The following SORCS2 variants were observed in gnomAD, a reference collection of about 807,000 sequenced individuals.
SORCS2 encodes sortilin related VPS10 domain containing receptor 2.
A neutral mutation model predicts 141.6 loss-of-function variants in SORCS2; 100 were observed. The ratio of observed to expected loss-of-function variants is 0.71; its 90% CI spans 0.60 to 0.83. The LOEUF (loss-of-function observed/expected upper bound fraction) is 0.83. Ranked by LOEUF, SORCS2 falls within the 40% of genes least tolerant of loss-of-function variation. The pLI is 0.00. For missense variants in SORCS2, 1,646 were observed against 1,560.2 expected (o/e 1.05, Z -0.93); for synonymous variants, 789 against 676.9 (o/e 1.17, Z -2.57).
At position 7,663,935 on chromosome 4, in the gene SORCS2, T is replaced by G. The variant is rs1027827808; in HGVS notation, c.953-418T>G. On this transcript the variant is annotated intron_variant, in intron 6 of 26. Coordinates refer to ENST00000507866, the MANE Select transcript of SORCS2 (RefSeq NM_020777.3). This position sits in a 1 kb window ranked among gnomAD's most constrained non-coding sequence, Gnocchi z 4.8. ...TCAGTATTGCTCAACCATAAATATT[T>G]GGAAAAGGGTAGAAGCAGTTGCTTA... 7.9e-5 allele frequency among the ~76,000 whole-genome samples: 12 copies of G among 152,046 alleles called. No individual in the cohort carries two copies. Among genetic ancestry groups the G allele is most frequent in the African/African-American group, 2.9e-4 (12 of 41,378 alleles).
chr4:7,675,572 T>C (rs2108949810), intron 8 of SORCS2, among the ~76,000 whole-genome samples: 1 of 152,184 alleles, frequency 6.6e-6, no homozygotes, highest in East Asian at 1.9e-4. Flanking sequence ...GGCTGGAAAG[T>C]TTCTGGCATG....
rs139660526 is a variant in SORCS2 at position 7,340,473 on chromosome 4, C to G, written c.481-55815C>G. Among the ~76,000 whole-genome samples, 924 of 152,366 alleles carry G rather than the reference C, an allele frequency of 6.1e-3. 7 individuals are homozygous for G. The highest frequency in any genetic ancestry group is 0.02 in the African/African-American group (843 of 41,590). On this transcript the variant is annotated intron_variant, in intron 1 of 26. Coordinates refer to ENST00000507866, the MANE Select transcript of SORCS2 (RefSeq NM_020777.3). ...AGGGCAGCCCGGATCCTGGCCAGCG[C>G]CTACCCTGGAAGGTGCCAGCTTCCT... is the stretch of plus-strand genomic sequence containing the variant.
At chr4:7,715,122 C>A in intron 16 of SORCS2, 61 bp from the exon 17 acceptor site, 1 of 1,597,424 alleles carries the variant, frequency 6.3e-7, no homozygotes, top group Non-Finnish European at 8.6e-7. Flanking sequence ...TCACCCCAAC[C>A]CTGGGTGACT....
intron 3 of SORCS2, among the ~76,000 whole-genome samples, chr4:7,545,833 C>G (rs189537656): frequency 3.9e-5 from 6 of 152,342 alleles, no homozygotes; most frequent in Non-Finnish European, 5.9e-5. Context: ...GGATGGCTCT[C>G]ACGAAACACT....
intron 2 of SORCS2, among the ~76,000 whole-genome samples, chr4:7,502,179 C>T (rs375415987): frequency 2.0e-5 from 3 of 152,174 alleles, no homozygotes; most frequent in Admixed American, 6.6e-5. Flanking sequence ...GGCCTCTAGA[C>T]GGCCTCTGGT....
chr4:7,737,557 C>T (rs975475499), intron 26 of SORCS2, among the ~76,000 whole-genome samples: 9 of 152,206 alleles, frequency 5.9e-5, no homozygotes, highest in African/African-American at 1.4e-4. Flanking sequence ...CTCAACACTC[C>T]CAGTCCTCCA....
At chr4:7,719,110 G>T (rs1286378070) in intron 18 of SORCS2, among the ~76,000 whole-genome samples, 1 of 152,230 alleles carries the variant, frequency 6.6e-6, no homozygotes, top group African/African-American at 2.4e-5. Context: ...CTGGACACTT[G>T]GCTCTCCGGT....
At chr4:7,523,765 G>A (rs1052733178) in intron 2 of SORCS2, among the ~76,000 whole-genome samples, 7 of 152,104 alleles carry the variant, frequency 4.6e-5, no homozygotes, top group Admixed American at 6.5e-5. Context: ...CACTGAGCCC[G>A]GCGCCCCGCA....
chr4:7,494,245 C>A (rs893036587), intron 2 of SORCS2, among the ~76,000 whole-genome samples: 14 of 152,192 alleles, frequency 9.2e-5, no homozygotes, highest in African/African-American at 2.7e-4. Flanking sequence ...CATGAGTGGT[C>A]CACGCCATGA....
rs1722410447 is a variant in SORCS2, at chr4:7,664,936, C to T, written c.1071+465C>T. On this transcript the variant is annotated intron_variant, in intron 7 of 26. Coordinates refer to ENST00000507866, the MANE Select transcript of SORCS2 (RefSeq NM_020777.3). This position sits in a 1 kb window ranked among gnomAD's most constrained non-coding sequence, Gnocchi z 4.7. ...GTCCCAGCTAATTCAGAAACTCTAG[C>T]ACACAACCAATCCATCCAGCTTTTC... Among the ~76,000 whole-genome samples, 1 of 152,210 alleles carries T rather than the reference C, an allele frequency of 6.6e-6. No homozygotes were observed. The highest frequency in any genetic ancestry group is 1.5e-5 in the Non-Finnish European group (1 of 68,034).
chr4:7,444,832 T>C (rs1047431363), intron 2 of SORCS2, among the ~76,000 whole-genome samples: 6 of 152,218 alleles, frequency 3.9e-5, no homozygotes, highest in Non-Finnish European at 1.5e-5. Context: ...TGCTTGAAGT[T>C]AGAGCCAATA....
At chr4:7,481,987 CACTGCGGACACCCCTG>C (rs1730670369) in intron 2 of SORCS2, among the ~76,000 whole-genome samples, 1 of 110,834 alleles carries the variant, frequency 9.0e-6, no homozygotes, top group Non-Finnish European at 2.0e-5. Context: ...CCTGTATCCC[CACTGCGGACACCCCTG>C]GCTGCTGTTC....
At chr4:7,607,940 G>A (rs1013679090) in intron 3 of SORCS2, among the ~76,000 whole-genome samples, 1 of 152,146 alleles carries the variant, frequency 6.6e-6, no homozygotes, top group Admixed American at 6.5e-5. Flanking sequence ...GTGAGTTGCG[G>A]TTCCCCTGTG....
chr4:7,593,229 G>A (rs1179348176), intron 3 of SORCS2, among the ~76,000 whole-genome samples: 1 of 152,136 alleles, frequency 6.6e-6, no homozygotes, highest in Non-Finnish European at 1.5e-5. Flanking sequence ...ATGGCCAGTG[G>A]AGCCTCGGGA....
intron 9 of SORCS2, among the ~76,000 whole-genome samples, chr4:7,680,299 G>A (rs778846915): frequency 1.3e-5 from 2 of 152,278 alleles, no homozygotes; most frequent in African/African-American, 2.4e-5. Context: ...ACCCATGCAC[G>A]TGCCCCACCC....
At chr4:7,698,579 G>C (rs980904296) in intron 12 of SORCS2, among the ~76,000 whole-genome samples, 1 of 152,238 alleles carries the variant, frequency 6.6e-6, no homozygotes, top group Non-Finnish European at 1.5e-5. Flanking sequence ...TGAAATAGAA[G>C]GTGTTCTGAT....
chr4:7,270,433 A>C (rs962343130), intron 1 of SORCS2, among the ~76,000 whole-genome samples: 22 of 152,180 alleles, frequency 1.4e-4, no homozygotes, highest in African/African-American at 4.6e-4. Flanking sequence ...TTCTGTTTGC[A>C]CCACCTGATT....
Position 7,257,151 on chromosome 4 carries a change from C to G in SORCS2, c.480+64025C>G, listed in dbSNP as rs539047870. The stretch of plus-strand genomic sequence containing the variant: ...GAATCTTGGCCGGGCTCCCTCGGGC[C>G]CTGGAGTGGGCAGGTGGCCAGAGGA... On this transcript the variant is annotated intron_variant, in intron 1 of 26. Transcript: ENST00000507866. 2.6e-4 allele frequency among the ~76,000 whole-genome samples: 39 copies of G among 152,138 alleles called. No homozygotes were observed. The South Asian group carries it at 7.3e-3, about 29-fold the overall frequency.
chr4:7,240,262 C>T (rs1712602232), intron 1 of SORCS2, among the ~76,000 whole-genome samples: 1 of 152,222 alleles, frequency 6.6e-6, no homozygotes, highest in Admixed American at 6.5e-5. Context: ...ACCACCTTGT[C>T]ACCTCCTCCG....
Sources: gnomAD v4.1 joint callset for allele counts (sites outside exome capture counted in the v4.1 genomes callset) on GRCh38, gnomAD v4.1.1 for gene constraint, Gnocchi (gnomAD v3.1) non-coding constraint, MANE v1.5 for transcripts, NCBI Gene and HGNC (gene_info 2026-07-23, HGNC 2026-07-21) for gene names.